TENM2: variants seen among roughly 807,000 people sequenced by gnomAD.
The protein encoded by TENM2 is teneurin-2.
In TENM2, 52 loss-of-function variants were observed where a neutral mutation model predicts 245.2. The ratio of observed to expected loss-of-function variants is 0.21; its 90% confidence interval spans 0.17 to 0.27. TENM2 has a LOEUF of 0.27. TENM2 is among the 10% of genes least tolerant of loss of function. TENM2 has a pLI of 1.00. For missense variants in TENM2, 3,046 were observed against 3,666.8 expected, an observed-to-expected ratio of 0.83 and a Z score of 4.37; for synonymous variants, 1,363 against 1,438.9, an observed-to-expected ratio of 0.95 and a Z score of 1.19.
At chr5:168,176,462 T>A (rs1459716401) in intron 13 of TENM2, among the ~76,000 whole-genome samples, 1 of 152,234 alleles carries the variant, frequency 6.6e-6, no homozygotes, top group African/African-American at 2.4e-5. Context: ...TTCTTCCAGA[T>A]GTTTCCATGA....
chr5:167,960,293 A>C (rs1170370110), intron 4 of TENM2, among the ~76,000 whole-genome samples: 1 of 152,210 alleles, frequency 6.6e-6, no homozygotes, highest in Non-Finnish European at 1.5e-5. Flanking sequence ...AGCTGTGCCC[A>C]CAGCCGCCCC....
chr5:168,237,939 A>G (rs1020078516), intron 25 of TENM2, among the ~76,000 whole-genome samples: 15 of 151,604 alleles, frequency 9.9e-5, no homozygotes, highest in African/African-American at 2.7e-4. Flanking sequence ...TCAGGAGATC[A>G]AGACCATCTT....
intron 2 of TENM2, among the ~76,000 whole-genome samples, chr5:167,539,092 T>A (rs1030945116): frequency 6.6e-6 from 1 of 152,140 alleles, no homozygotes; most frequent in African/African-American, 2.4e-5. Context: ...CAATTAGATA[T>A]AATTTGTGAT....
At chr5:167,512,657 T>G (rs1770049644) in intron 2 of TENM2, among the ~76,000 whole-genome samples, 1 of 152,188 alleles carries the variant, frequency 6.6e-6, no homozygotes, top group Non-Finnish European at 1.5e-5. Flanking sequence ...CCTCTTAGGT[T>G]TGGAAGAGAA....
At chr5:168,117,541 T>C (rs1795169937) in intron 9 of TENM2, among the ~76,000 whole-genome samples, 1 of 152,212 alleles carries the variant, frequency 6.6e-6, no homozygotes, top group Admixed American at 6.5e-5. Context: ...ATTAAAGCAG[T>C]AGCTGTAACA....
chr5:167,844,229 G>A (rs1359451919), intron 2 of TENM2, among the ~76,000 whole-genome samples: 4 of 152,176 alleles, frequency 2.6e-5, no homozygotes, highest in African/African-American at 9.7e-5. Context: ...GCTCAACAGT[G>A]TTTTATTTAA....
chr5:167,032,521 G>T, the TENM2 span, among the ~76,000 whole-genome samples: 37 of 152,314 alleles, frequency 2.4e-4, no homozygotes, highest in Non-Finnish European at 4.7e-4. Flanking sequence ...AATAAAGTCA[G>T]CTCGGAAGGT....
the TENM2 span, among the ~76,000 whole-genome samples, chr5:167,101,849 T>TTATATATA: frequency 3.1e-3 from 215 of 69,426 alleles, 10 homozygotes; most frequent in South Asian, 0.025. Context: ...ATATATATAT[T>TTATATATA]TATATATATA....
intron 2 of TENM2, among the ~76,000 whole-genome samples, chr5:167,409,767 GTGTT>G (rs1202328433): frequency 6.6e-6 from 1 of 151,960 alleles, no homozygotes; most frequent in Non-Finnish European, 1.5e-5. Flanking sequence ...AGGGGTGTGT[GTGTT>G]TGTGTGTGTG....
At chr5:168,254,635 C>T (rs750811502) in intron 27 of TENM2, among the ~76,000 whole-genome samples, 2 of 152,130 alleles carry the variant, frequency 1.3e-5, no homozygotes, top group African/African-American at 2.4e-5. Context: ...CATTGAAATT[C>T]CTGGTCACAG....
intron 2 of TENM2, among the ~76,000 whole-genome samples, chr5:167,473,616 A>G (rs777640640): frequency 5.3e-5 from 8 of 152,166 alleles, no homozygotes; most frequent in Non-Finnish European, 1.0e-4. Flanking sequence ...ATGCCTATAT[A>G]ATGGTGGTGA....
chr5:167,416,703 G>GT (rs1425444779), intron 2 of TENM2, among the ~76,000 whole-genome samples: 7 of 145,992 alleles, frequency 4.8e-5, no homozygotes, highest in East Asian at 2.1e-4. Context: ...TTTTGTTTTT[G>GT]TTTTGTTTTT....
At chr5:167,428,531 A>G (rs962320021) in intron 2 of TENM2, among the ~76,000 whole-genome samples, 1 of 152,224 alleles carries the variant, frequency 6.6e-6, no homozygotes, top group Non-Finnish European at 1.5e-5. Context: ...GCTCATTCAA[A>G]TTTGACTACT....
At chr5:168,124,821 T>C in intron 10 of TENM2, 29 bp from the exon 13 acceptor site, 1 of 1,575,914 alleles carries the variant, frequency 6.3e-7, no homozygotes, top group Non-Finnish European at 8.6e-7. Context: ...ATACTTTTAT[T>C]CTTTGGTTTT....
chr5:167,399,571 A>G (rs1762253813), intron 2 of TENM2, among the ~76,000 whole-genome samples: 1 of 152,192 alleles, frequency 6.6e-6, no homozygotes, highest in Non-Finnish European at 1.5e-5. Flanking sequence ...GTGGCATAGC[A>G]CAATAATTAA....
chr5:168,109,035 A>G (rs1794469300), intron 9 of TENM2, among the ~76,000 whole-genome samples: 1 of 152,026 alleles, frequency 6.6e-6, no homozygotes, highest in Non-Finnish European at 1.5e-5. Flanking sequence ...CATCATTCAT[A>G]CCCATCTCCT....
the TENM2 span, among the ~76,000 whole-genome samples, chr5:167,049,872 C>T: frequency 6.6e-6 from 1 of 152,008 alleles, no homozygotes; most frequent in Non-Finnish European, 1.5e-5. Context: ...GCTAGGTAGT[C>T]CTTAGGGACT....
intron 5 of TENM2, among the ~76,000 whole-genome samples, chr5:168,022,957 G>A (rs957317910): frequency 2.0e-5 from 3 of 152,134 alleles, no homozygotes; most frequent in Admixed American, 6.5e-5. Context: ...GCGTGTGCCA[G>A]GCTATTAAAC....
chr5:166,991,922 G>C, the TENM2 span, among the ~76,000 whole-genome samples: 1 of 152,148 alleles, frequency 6.6e-6, no homozygotes, highest in Non-Finnish European at 1.5e-5. Context: ...TAGTTGGTTT[G>C]GTTCTCAATA....
Sources: allele counts gnomAD v4.1 joint callset (sites outside exome capture counted in the v4.1 genomes callset), GRCh38; gene constraint gnomAD v4.1.1; transcripts MANE v1.5; gene names NCBI Gene and HGNC (gene_info 2026-07-23, HGNC 2026-07-21).